UGGT1: variants seen among roughly 807,000 people sequenced by gnomAD.
UGGT1 encodes the protein UDP-glucose glycoprotein glucosyltransferase 1, also known as UDP-glucose:glycoprotein glucosyltransferase 1.
UGGT1 carries 107 observed loss-of-function variants against 203.9 expected under a neutral mutation model. The observed-to-expected ratio is 0.52, with a 90% CI of 0.45 to 0.62. The LOEUF (loss-of-function observed/expected upper bound fraction) is 0.62, where lower values mean the gene tolerates loss of function less well. Among genes scored for constraint, UGGT1 ranks in the 20% least tolerant of loss-of-function variants. UGGT1 has a pLI of 0.00. For missense variants in UGGT1, 1,673 were observed against 1,867.2 expected (o/e 0.90, Z 1.92); for synonymous variants, 628 against 653.5 (o/e 0.96, Z 0.59).
chr2:128,170,359 G>A lies in UGGT1; in HGVS notation c.2993G>A (p.Arg998Lys), dbSNP rs867014617. 13 of 1,614,124 alleles carry A rather than the reference G, an allele frequency of 8.1e-6. No homozygotes were observed. The highest frequency in any genetic ancestry group is 1.3e-5 in the African/African-American group (1 of 74,954). Reference protein sequence around the residue: ...DVVAVVDPVTREAQRLAPLLL... With the variant: ...DVVAVVDPVTKEAQRLAPLLL... ...GTGGCTGTCGTTGACCCTGTCACCA[G>A]AGAAGCACAGAGACTTGCTCCTTTG... The change falls in exon 27 of 41, where the codon AGA (arginine) becomes AAA (lysine). Residue 998 changes from arginine to lysine, a missense_variant. By Grantham distance (26) the Arg-to-Lys change is conservative. Transcript: ENST00000259253.
In UGGT1 at chr2:128,103,915, C is replaced by T. The variant is rs760645803; in HGVS notation, c.195-17C>T. 6.4e-7 allele frequency: 1 copy of T among 1,561,756 alleles called. No individual in the cohort carries two copies. The highest frequency in any genetic ancestry group is 2.3e-5 in the East Asian group (1 of 43,296). ...AAAATTTTATTAAGTTGTTTTATTTCTGATCTTTTCTCCCAGTGAGTTTTT... is the reference window on the plus strand; with the variant it reads ...AAAATTTTATTAAGTTGTTTTATTTTTGATCTTTTCTCCCAGTGAGTTTTT... On this transcript the variant is annotated splice_polypyrimidine_tract_variant and intron_variant, in intron 2 of 40. Coordinates refer to ENST00000259253, the MANE Select transcript of UGGT1 (RefSeq NM_020120.4).
chr2:128,119,440 A>G (rs1688273598), intron 8 of UGGT1, among the ~76,000 whole-genome samples: 1 of 152,150 alleles, frequency 6.6e-6, no homozygotes, highest in African/African-American at 2.4e-5. Flanking sequence ...TCTCAAAGAA[A>G]AAAAAAAAGA....
chr2:128,172,159 TC>T (rs1365348971), intron 28 of UGGT1, among the ~76,000 whole-genome samples: 2 of 152,030 alleles, frequency 1.3e-5, no homozygotes, highest in African/African-American at 4.8e-5. Context: ...GAAAAATGAG[TC>T]CTCCTTGAAG....
At position 128,116,288 on chromosome 2, in the gene UGGT1, A is replaced by T; in HGVS notation, c.817A>T (p.Ile273Phe). The T allele has an allele frequency of 6.2e-7, 1 of 1,609,428 alleles. No individual in the cohort carries two copies. The highest frequency in any genetic ancestry group is 8.5e-7 in the Non-Finnish European group (1 of 1,175,850). Reference protein sequence around the residue: ...VKGTEVNTTVIGENDPIDEVQ... With the variant: ...VKGTEVNTTVFGENDPIDEVQ... ...AGGAACTGAGGTAAACACCACAGTG[A>T]TTGGTGAAAATGATCCTATTGATGA... Residue 273 changes from isoleucine to phenylalanine, a missense_variant, in exon 8 of 41, where the codon ATT becomes TTT. By Grantham distance (21) the Ile-to-Phe change is conservative. Transcript: ENST00000259253.
chr2:128,172,640 A>T lies in UGGT1; in HGVS notation c.3172A>T (p.Ile1058Phe). The T allele has an allele frequency of 6.2e-7, 1 of 1,614,144 alleles. No individual in the cohort carries two copies. The highest frequency in any genetic ancestry group is 8.5e-7 in the Non-Finnish European group (1 of 1,180,028). The change falls in exon 29 of 41, where the codon ATC (isoleucine) becomes TTC (phenylalanine). Residue 1058 changes from isoleucine (I) to phenylalanine (F), a missense_variant. By Grantham distance (21) the Ile-to-Phe change is conservative. Transcript: ENST00000259253. ...AGACAATAGTTTTGCTAAGGGTCCA[A>T]TCGCAAAATTTTTGGATATGCCTCA... Reference protein sequence around the residue: ...TSDNSFAKGPIAKFLDMPQSP... With the variant: ...TSDNSFAKGPFAKFLDMPQSP...
intron 26 of UGGT1, among the ~76,000 whole-genome samples, chr2:128,165,764 CT>C (rs754563192): frequency 1.3e-5 from 2 of 151,282 alleles, no homozygotes; most frequent in African/African-American, 4.9e-5. Flanking sequence ...TTATTGAAAA[CT>C]TTTTTTAAAA....
chr2:128,143,149 T>G lies in UGGT1; in HGVS notation c.1775T>G (p.Val592Gly). 2 of 1,614,040 alleles carry G rather than the reference T, an allele frequency of 1.2e-6. No individual in the cohort carries two copies. Among genetic ancestry groups the G allele is most frequent in the Non-Finnish European group, 1.7e-6 (2 of 1,179,962 alleles). The change falls in exon 17 of 41, where the codon GTC (valine) becomes GGC (glycine). Residue 592 changes from valine (V) to glycine (G), a missense_variant. Transcript: ENST00000259253. ...EKVKVEHVVS[V>G]LEKKYPYVEV... is the part of the protein sequence containing the mutation. ...GTGAAAGTTGAACATGTGGTCAGTG[T>G]CCTGGAGAAGAAATATCCGTATGTA...
At chr2:128,162,948 A>G (rs1335306844) in intron 25 of UGGT1, among the ~76,000 whole-genome samples, 2 of 150,146 alleles carry the variant, frequency 1.3e-5, no homozygotes, top group Non-Finnish European at 1.5e-5. Flanking sequence ...CCTTGTCTGC[A>G]TCAGGTTTTC....
chr2:128,122,701 T>G (rs1332755277), intron 10 of UGGT1, among the ~76,000 whole-genome samples: 1 of 152,152 alleles, frequency 6.6e-6, no homozygotes, highest in Non-Finnish European at 1.5e-5. Context: ...CTGAATGAAG[T>G]GTTTTGACTT....
At chr2:128,160,421 G>A (rs372424266) in intron 23 of UGGT1, 39 bp from the exon 24 acceptor site, 1 of 1,566,162 alleles carries the variant, frequency 6.4e-7, no homozygotes, top group African/African-American at 1.4e-5. Flanking sequence ...GGTTTGCTTA[G>A]TAACGACTAT....
At chr2:128,169,536 C>T (rs1690984408) in intron 26 of UGGT1, among the ~76,000 whole-genome samples, 1 of 152,160 alleles carries the variant, frequency 6.6e-6, no homozygotes, top group Admixed American at 6.5e-5. Flanking sequence ...CCTTTGTCTC[C>T]ATAATCTCAT....
intron 29 of UGGT1, 33 bp from the exon 30 acceptor site, chr2:128,173,747 GA>G (rs1691232678): frequency 6.2e-7 from 1 of 1,608,264 alleles, no homozygotes; most frequent in Admixed American, 1.7e-5. Context: ...TGTTGTCTCT[GA>G]GTGCATTCAA....
At position 128,138,740 on chromosome 2, in the gene UGGT1, A is replaced by G. The variant is rs763462817; in HGVS notation, c.1607A>G (p.Asn536Ser). 10 of 1,613,634 alleles carry G rather than the reference A, an allele frequency of 6.2e-6. No homozygotes were observed. The South Asian group carries it at 1.1e-4, about 18-fold the overall frequency. ...AGAATTGGTTTTATCTTTGTGGTTA[A>G]TGACTCTGAAGATGTTGATGGGATG... ...PLRIGFIFVVNDSEDVDGMQD... is the reference protein window; with the variant it reads ...PLRIGFIFVVSDSEDVDGMQD... Residue 536 changes from asparagine to serine, a missense_variant, in exon 16 of 41, where the codon AAT becomes AGT. Physicochemically the swap from Asn to Ser is conservative, Grantham distance 46. Around this residue, in one of 4 missense-constraint regions of UGGT1, gnomAD observed 1,073 missense variants for 1,078.7 expected, o/e 0.99. Coordinates refer to ENST00000259253, the MANE Select transcript of UGGT1 (RefSeq NM_020120.4).
intron 16 of UGGT1, among the ~76,000 whole-genome samples, chr2:128,142,063 T>A (rs893677391): frequency 2.6e-5 from 4 of 151,756 alleles, no homozygotes; most frequent in Admixed American, 1.3e-4. Flanking sequence ...TGCTGCAGCC[T>A]CCTGAGTAGC....
chr2:128,156,305 C>T (rs938403888), intron 20 of UGGT1, 87 bp from the exon 21 acceptor site: 2 of 1,005,336 alleles, frequency 2.0e-6, no homozygotes, highest in Admixed American at 3.6e-5. Flanking sequence ...CCGTGTTAGC[C>T]ATTGTTTAGA....
At chr2:128,112,441 A>C (rs201970077) in intron 5 of UGGT1, among the ~76,000 whole-genome samples, 1,275 of 30,846 alleles carry the variant, frequency 0.041, 40 homozygotes, top group Admixed American at 0.14. Context: ...AAAACCCCCC[A>C]AAAAATACTA....
At chr2:128,187,389 A>C in intron 39 of UGGT1, 60 bp from the exon 40 acceptor site, 3 of 1,526,664 alleles carry the variant, frequency 2.0e-6, no homozygotes, top group Non-Finnish European at 2.7e-6. Context: ...AGAACCTTTG[A>C]ATTCTCTATC....
chr2:128,183,874 TC>T, intron 38 of UGGT1, 85 bp downstream of exon 38: 2 of 999,790 alleles, frequency 2.0e-6, no homozygotes, highest in South Asian at 2.8e-5. Context: ...GTGTCTTCAG[TC>T]CTCTCCTCAC....
intron 18 of UGGT1, among the ~76,000 whole-genome samples, chr2:128,149,503 G>C (rs1689846500): frequency 6.6e-6 from 1 of 151,190 alleles, no homozygotes. Flanking sequence ...AAAAAATTAG[G>C]CCGGGCGCGG....
Sources: allele counts gnomAD v4.1 joint callset (sites outside exome capture counted in the v4.1 genomes callset), GRCh38; gene constraint gnomAD v4.1.1; regional missense constraint gnomAD v4.1.1; transcripts MANE v1.5; gene names NCBI Gene and HGNC (gene_info 2026-07-23, HGNC 2026-07-21).